The following GRIK3 variants were observed in gnomAD, a reference collection of about 807,000 sequenced individuals.
The protein encoded by GRIK3 is glutamate ionotropic receptor kainate type subunit 3.
Under a neutral mutation model 102.5 loss-of-function variants are expected in GRIK3, and 29 were observed. The observed-to-expected ratio is 0.28, with a 90% confidence interval of 0.21 to 0.39. The LOEUF is 0.39. Among genes scored for constraint, GRIK3 ranks in the 10% least tolerant of loss-of-function variants. The pLI, the probability that GRIK3 is intolerant of heterozygous loss-of-function variation, is 1.00. For synonymous variants in GRIK3, 511 were observed against 504.9 expected, an observed-to-expected ratio of 1.01 and a Z score of -0.16; for missense variants, 908 against 1,252.4, an observed-to-expected ratio of 0.73 and a Z score of 4.15.
rs374887269 is a variant in GRIK3 at position 36,880,381 on chromosome 1, T to A, written c.550+253A>T. Among the ~76,000 whole-genome samples the A allele has an allele frequency of 3.9e-4, 59 of 152,316 alleles. 1 individual carries two copies. In the South Asian group the frequency reaches 0.012, roughly 32 times the overall value. On this transcript the variant is annotated intron_variant, in intron 3 of 15. Coordinates refer to ENST00000373091, the MANE Select transcript of GRIK3 (RefSeq NM_000831.4). This position sits in a 1 kb window ranked among gnomAD's most constrained non-coding sequence, Gnocchi z 5.4. Reference sequence around the variant, plus strand: ...TGTTCAGTGCAGATTTGAACACTTGTGCTGCTAGAGGAGGAGCTGAGTGTG... The same window carrying A: ...TGTTCAGTGCAGATTTGAACACTTGAGCTGCTAGAGGAGGAGCTGAGTGTG...
chr1:37,004,055 C>T (rs932882191), intron 1 of GRIK3, among the ~76,000 whole-genome samples: 1 of 152,174 alleles, frequency 6.6e-6, no homozygotes. Context: ...CTTGGCACCC[C>T]TCTTAGACAC....
intron 1 of GRIK3, among the ~76,000 whole-genome samples, chr1:36,901,537 T>C (rs764058605): frequency 3.8e-4 from 58 of 152,138 alleles, no homozygotes; most frequent in Non-Finnish European, 7.4e-5. Context: ...AAGGGGAATG[T>C]CCTCAACTTC....
chr1:36,994,209 C>T (rs1642391791), intron 1 of GRIK3, among the ~76,000 whole-genome samples: 1 of 152,168 alleles, frequency 6.6e-6, no homozygotes, highest in Non-Finnish European at 1.5e-5. Flanking sequence ...AATATGTTAC[C>T]TCACCTCTCT....
chr1:36,981,943 C>T (rs1166365927), intron 1 of GRIK3, among the ~76,000 whole-genome samples: 1 of 152,188 alleles, frequency 6.6e-6, no homozygotes, highest in East Asian at 1.9e-4. Context: ...TCTCAGAGCA[C>T]GTGTGCAAAG....
At chr1:36,941,265 C>T (rs890949849) in intron 1 of GRIK3, among the ~76,000 whole-genome samples, 5 of 152,246 alleles carry the variant, frequency 3.3e-5, no homozygotes, top group Non-Finnish European at 5.9e-5. Flanking sequence ...TGCATGCCCA[C>T]TCCAAGCGCC....
chr1:36,875,513 A>T (rs984950396), intron 3 of GRIK3, among the ~76,000 whole-genome samples: 2 of 152,268 alleles, frequency 1.3e-5, no homozygotes, highest in Admixed American at 6.5e-5. Context: ...GTTGGCAGGT[A>T]CCATGCAGGC....
At chr1:36,989,781 A>G (rs1642345455) in intron 1 of GRIK3, among the ~76,000 whole-genome samples, 1 of 152,050 alleles carries the variant, frequency 6.6e-6, no homozygotes, top group African/African-American at 2.4e-5. Flanking sequence ...CCCAACCACA[A>G]TCTCAGCCTG....
intron 13 of GRIK3, 42 bp downstream of exon 13, chr1:36,817,018 G>T: frequency 7.2e-7 from 1 of 1,385,588 alleles, no homozygotes; most frequent in Non-Finnish European, 1.0e-6. Flanking sequence ...GGTCCGGAGA[G>T]GATCAGCTCA....
At chr1:36,825,133 C>T (rs1463269345) in intron 11 of GRIK3, among the ~76,000 whole-genome samples, 1 of 152,162 alleles carries the variant, frequency 6.6e-6, no homozygotes. Flanking sequence ...TGTATGTGTG[C>T]CGTGTTTCTG....
intron 15 of GRIK3, among the ~76,000 whole-genome samples, chr1:36,802,308 T>G (rs1265826735): frequency 6.6e-6 from 1 of 152,182 alleles, no homozygotes; most frequent in African/African-American, 2.4e-5. Context: ...ACTGAGGTTC[T>G]GAATGGCATG....
At chr1:36,899,856 C>T (rs1446231544) in intron 1 of GRIK3, among the ~76,000 whole-genome samples, 5 of 152,028 alleles carry the variant, frequency 3.3e-5, no homozygotes, top group Non-Finnish European at 7.4e-5. Context: ...GGTCAATTAT[C>T]CAAAAAGACG....
At chr1:36,971,636 C>T (rs1642142862) in intron 1 of GRIK3, among the ~76,000 whole-genome samples, 1 of 152,158 alleles carries the variant, frequency 6.6e-6, no homozygotes, top group Admixed American at 6.5e-5. Flanking sequence ...TATCAGAAGC[C>T]TCTTAGAAGT....
chr1:36,958,176 G>A (rs60324252), intron 1 of GRIK3, among the ~76,000 whole-genome samples: 1 of 109,506 alleles, frequency 9.1e-6, no homozygotes, highest in Non-Finnish European at 1.9e-5. Flanking sequence ...TGCCCTGTGA[G>A]TCTGTGCCCC....
At chr1:36,832,940 C>T (rs958444328) in intron 10 of GRIK3, among the ~76,000 whole-genome samples, 1 of 152,160 alleles carries the variant, frequency 6.6e-6, no homozygotes, top group East Asian at 1.9e-4. Context: ...GTTACACACT[C>T]CCATAGCCCC....
intron 1 of GRIK3, among the ~76,000 whole-genome samples, chr1:36,951,280 C>T (rs35695661): frequency 0.026 from 4,010 of 152,312 alleles, 78 homozygotes; most frequent in South Asian, 0.045. Context: ...AACAGAATGC[C>T]GGACTCAGGG....
intron 1 of GRIK3, among the ~76,000 whole-genome samples, chr1:36,908,006 G>T (rs1165966023): frequency 6.6e-6 from 1 of 152,130 alleles, no homozygotes; most frequent in East Asian, 1.9e-4. Context: ...TCAAAAGACT[G>T]GGCGGTCCCT....
At chr1:36,995,670 A>G (rs554212148) in intron 1 of GRIK3, among the ~76,000 whole-genome samples, 76 of 152,316 alleles carry the variant, frequency 5.0e-4, no homozygotes, top group Admixed American at 1.7e-3. Flanking sequence ...TTTCCTCAGG[A>G]ACCAGCCTGT....
intron 10 of GRIK3, among the ~76,000 whole-genome samples, chr1:36,831,343 A>T (rs1640293988): frequency 1.3e-5 from 2 of 152,024 alleles, no homozygotes; most frequent in Non-Finnish European, 2.9e-5. Flanking sequence ...CACCCTTGCC[A>T]CCTCCAGGTC....
At chr1:36,869,714 C>A in intron 5 of GRIK3, 34 bp downstream of exon 5, 2 of 1,505,132 alleles carry the variant, frequency 1.3e-6, no homozygotes, top group Non-Finnish European at 1.9e-6. Context: ...AGAGTCCCAC[C>A]CCTTTCCCGT....
Sources: gnomAD v4.1 joint callset for allele counts (sites outside exome capture counted in the v4.1 genomes callset) on GRCh38, gnomAD v4.1.1 for gene constraint, Gnocchi (gnomAD v3.1) non-coding constraint, MANE v1.5 for transcripts, NCBI Gene and HGNC (gene_info 2026-07-23, HGNC 2026-07-21) for gene names.